The following ALPK2 variants were observed in gnomAD, a reference collection of about 807,000 sequenced individuals.
The protein encoded by ALPK2 is alpha-protein kinase 2.
In ALPK2, 127 loss-of-function variants were observed where a neutral mutation model predicts 163.1. The observed-to-expected ratio is 0.78, with a 90% CI of 0.67 to 0.90. The LOEUF (loss-of-function observed/expected upper bound fraction) is 0.90. Among genes scored for constraint, ALPK2 ranks in the 40% least tolerant of loss-of-function variants. ALPK2 has a pLI of 0.00. For synonymous variants in ALPK2, 953 were observed against 959.1 expected (o/e 0.99, Z 0.12); for missense variants, 2,360 against 2,589.6 (o/e 0.91, Z 1.92).
intron 8 of ALPK2, among the ~76,000 whole-genome samples, chr18:58,521,863 T>C (rs1366034299): frequency 1.3e-5 from 2 of 152,022 alleles, no homozygotes; most frequent in African/African-American, 2.4e-5. Context: ...CTTGACCTCG[T>C]GATCCCACTC....
intron 4 of ALPK2, among the ~76,000 whole-genome samples, chr18:58,552,699 G>T (rs1342426087): frequency 6.6e-6 from 1 of 150,652 alleles, no homozygotes; most frequent in Non-Finnish European, 1.5e-5. Flanking sequence ...GTGTAGGGAG[G>T]TGGTCAAGAC....
rs1391247383 is a variant in ALPK2 at position 58,538,201 on chromosome 18, TCTGA to T, written c.1982_1985del (p.Val661GlufsTer33). The T allele has an allele frequency of 4.3e-6, 7 of 1,611,368 alleles. No individual in the cohort carries two copies. Among genetic ancestry groups the T allele is most frequent in the African/African-American group, 1.3e-5 (1 of 75,044 alleles). On this transcript the variant is annotated frameshift_variant, in exon 5 of 13. Transcript: ENST00000361673. LOFTEE classifies it high-confidence loss of function. ...GCATCTGGCTGCAAGAGATTGTCTC[TCTGA>T]CTGTTTCCTGAACTTGTACCTAGGA...
intron 10 of ALPK2, among the ~76,000 whole-genome samples, chr18:58,505,319 C>T (rs2051456271): frequency 6.6e-6 from 1 of 152,018 alleles, no homozygotes; most frequent in Admixed American, 6.6e-5. Flanking sequence ...GCACCTACAC[C>T]TCCTCCCCCA....
chr18:58,481,364 G>A lies in ALPK2; in HGVS notation c.*459C>T, dbSNP rs905780006. ...CAACAATAGCGTATTAGACACCAGT[G>A]GAACAACTTGATCCAGTGAGCGAAT... On this transcript the variant is annotated 3_prime_UTR_variant, in exon 13 of 13. Coordinates refer to ENST00000361673, the MANE Select transcript of ALPK2 (RefSeq NM_052947.4). The A allele has an allele frequency of 4.1e-5, 7 of 171,234 alleles. No homozygotes were observed. The highest frequency in any genetic ancestry group is 7.5e-5 in the Non-Finnish European group (6 of 79,566). The allele number at this position is 171,234 out of a possible 1,614,324, so 10.6% of individuals were successfully genotyped here.
At position 58,517,181 on chromosome 18, in the gene ALPK2, T is replaced by G. The variant is rs761210364; in HGVS notation, c.5667A>C (p.Gly1889=). The G allele has an allele frequency of 6.2e-7, 1 of 1,613,002 alleles. No homozygotes were observed. Among genetic ancestry groups the G allele is most frequent in the Non-Finnish European group, 8.5e-7 (1 of 1,179,142 alleles). The change falls in exon 9 of 13, where the codon GGA becomes GGC. Residue 1889 remains glycine (G), a splice_region_variant and synonymous_variant. Coordinates refer to ENST00000361673, the MANE Select transcript of ALPK2 (RefSeq NM_052947.4). ...KQLSSRQDTK[G]CEEIEFSQLI... ...GTTGGCTGAATTCAATCTCTTCACA[T>G]CCTGAAACACAGCACAGCTTTGGTT...
chr18:58,599,843 A>T (rs2052059816), intron 3 of ALPK2, among the ~76,000 whole-genome samples: 1 of 152,168 alleles, frequency 6.6e-6, no homozygotes, highest in Non-Finnish European at 1.5e-5. Context: ...AAACTGAGAC[A>T]TAGAAAAGTT....
chr18:58,498,791 C>A (rs557592943), intron 11 of ALPK2, among the ~76,000 whole-genome samples: 1 of 152,206 alleles, frequency 6.6e-6, no homozygotes. Context: ...CCATGTAAGA[C>A]GTGCCTTCCG....
At chr18:58,519,338 T>A (rs1451611847) in intron 8 of ALPK2, among the ~76,000 whole-genome samples, 1 of 152,214 alleles carries the variant, frequency 6.6e-6, no homozygotes, top group Non-Finnish European at 1.5e-5. Flanking sequence ...ATTTGGCCTC[T>A]AATACCACTA....
At chr18:58,542,293 T>G (rs1486358210) in intron 4 of ALPK2, among the ~76,000 whole-genome samples, 2 of 152,246 alleles carry the variant, frequency 1.3e-5, no homozygotes, top group African/African-American at 2.4e-5. Context: ...ACATATTGCC[T>G]GGTGCCCAGA....
At chr18:58,510,205 C>T (rs1359122918) in intron 10 of ALPK2, among the ~76,000 whole-genome samples, 4 of 152,090 alleles carry the variant, frequency 2.6e-5, no homozygotes, top group Non-Finnish European at 5.9e-5. Context: ...AGATACGTGG[C>T]GTTATTTCTG....
At chr18:58,546,254 A>G (rs1430026876) in intron 4 of ALPK2, among the ~76,000 whole-genome samples, 18 of 152,160 alleles carry the variant, frequency 1.2e-4, no homozygotes, top group Admixed American at 1.0e-3. Flanking sequence ...GGGACAAGAA[A>G]TCCTCAGCCA....
In ALPK2 at chr18:58,504,074, CCAAT is replaced by C; in HGVS notation, c.6100_6103del (p.Ile2034GlufsTer4). The C allele has an allele frequency of 1.2e-6, 2 of 1,614,226 alleles. No individual in the cohort carries two copies. Among genetic ancestry groups the C allele is most frequent in the Non-Finnish European group, 8.5e-7 (1 of 1,180,024 alleles). On this transcript the variant is annotated frameshift_variant, in exon 11 of 13. Coordinates refer to ENST00000361673, the MANE Select transcript of ALPK2 (RefSeq NM_052947.4). LOFTEE classifies it high-confidence loss of function. ...CCTGATGGAATACTTCACAAATTCTCCAATCAGCTCCTCCTCCACTGTAGCATAC... is the reference window on the plus strand; with the variant it reads ...CCTGATGGAATACTTCACAAATTCTCCAGCTCCTCCTCCACTGTAGCATAC...
rs141765209 is a variant in ALPK2, at chr18:58,592,604, G to A, written c.228-12056C>T. On this transcript the variant is annotated intron_variant, in intron 3 of 12. Coordinates refer to ENST00000361673, the MANE Select transcript of ALPK2 (RefSeq NM_052947.4). ...AGGGCCCTGAAGAACTGGGGCAGTG[G>A]GTGGGGAGGAGCTCCGGTGTGGAGG... Among the ~76,000 whole-genome samples the A allele has an allele frequency of 4.0e-3, 602 of 152,304 alleles. 2 individuals are homozygous for A. Among genetic ancestry groups the A allele is most frequent in the African/African-American group, 0.013 (559 of 41,564 alleles).
intron 5 of ALPK2, among the ~76,000 whole-genome samples, chr18:58,531,619 C>T (rs1040008641): frequency 3.9e-5 from 5 of 128,242 alleles, no homozygotes; most frequent in East Asian, 2.4e-4. Flanking sequence ...GCTAGAAAAC[C>T]GTAACGAACA....
chr18:58,488,124 C>A (rs182553235), intron 12 of ALPK2, among the ~76,000 whole-genome samples: 1 of 152,126 alleles, frequency 6.6e-6, no homozygotes, highest in African/African-American at 2.4e-5. Context: ...CTACACTCAT[C>A]TCTATTTGAC....
chr18:58,610,275 CAAAA>C (rs74183283), intron 2 of ALPK2, among the ~76,000 whole-genome samples: 2 of 61,900 alleles, frequency 3.2e-5, no homozygotes, highest in African/African-American at 1.3e-4. Context: ...GACCCTGTCT[CAAAA>C]AAAAAAAAAA....
Position 58,536,405 on chromosome 18 carries a change from G to A in ALPK2, c.3782C>T (p.Ala1261Val), listed in dbSNP as rs1449967043. Reference protein sequence around the residue: ...PRQLTNSESKASDGGLIIPDK... With the variant: ...PRQLTNSESKVSDGGLIIPDK... ...AGGAATTATGAGACCACCGTCTGAT[G>A]CCTTGCTCTCAGAATTTGTCAGTTG... The change falls in exon 5 of 13, where the codon GCA (alanine) becomes GTA (valine). Residue 1261 changes from alanine to valine, a missense_variant. Coordinates refer to ENST00000361673, the MANE Select transcript of ALPK2 (RefSeq NM_052947.4). The A allele has an allele frequency of 1.2e-6, 2 of 1,614,188 alleles. No individual in the cohort carries two copies. Among genetic ancestry groups the A allele is most frequent in the African/African-American group, 1.3e-5 (1 of 75,052 alleles).
chr18:58,579,913 C>T lies in ALPK2; in HGVS notation c.863G>A (p.Ser288Asn), dbSNP rs372735155. The change falls in exon 4 of 13, where the codon AGT becomes AAT. Residue 288 changes from serine to asparagine, a missense_variant. Transcript: ENST00000361673. ...GCTGGGTTGTTTGTTGGCCACGGCA[C>T]TGTCACCTGGGTAAATGTGTGCAGT... ...EATAHIYPGD[S>N]AVANKQPSPQ... 1.1e-5 allele frequency: 17 copies of T among 1,614,208 alleles called. No individual in the cohort carries two copies. The African/African-American group carries it at 2.1e-4, about 20-fold the overall frequency.
At chr18:58,529,284 A>G in intron 5 of ALPK2, 46 bp from the exon 6 acceptor site, 1 of 1,519,602 alleles carries the variant, frequency 6.6e-7, no homozygotes, top group Non-Finnish European at 9.0e-7. Flanking sequence ...AGACTTTCCC[A>G]TTTCATACCA....
Sources: gnomAD v4.1 joint callset for allele counts (sites outside exome capture counted in the v4.1 genomes callset) on GRCh38, gnomAD v4.1.1 for gene constraint, MANE v1.5 for transcripts, NCBI Gene and HGNC (gene_info 2026-07-23, HGNC 2026-07-21) for gene names.